Variants in IL2RA observed in about 807,000 individuals in gnomAD.
IL2RA encodes interleukin-2 receptor subunit alpha.
A neutral mutation model predicts 37.8 loss-of-function variants in IL2RA; 24 were observed. The ratio of observed to expected loss-of-function variants is 0.63; its 90% CI spans 0.46 to 0.89. The LOEUF is 0.89. IL2RA is among the 40% of genes least tolerant of loss of function. The pLI, the probability that IL2RA is intolerant of heterozygous loss-of-function variation, is 0.00. For synonymous variants in IL2RA, 125 were observed against 114.6 expected (o/e 1.09, Z -0.58); for missense variants, 319 against 348.6 (o/e 0.92, Z 0.68).
At chr10:6,013,314 C>A (rs796379537) in intron 7 of IL2RA, among the ~76,000 whole-genome samples, 1 of 152,180 alleles carries the variant, frequency 6.6e-6, no homozygotes, top group South Asian at 2.1e-4. Context: ...GGCTAGGGAA[C>A]GCTTGAAATG....
Position 6,024,324 on chromosome 10 carries a change from G to C in IL2RA, c.287C>G (p.Pro96Arg), listed in dbSNP as rs1302422521. ...ATRNTTKQVT[P>R]QPEEQKERKT... The stretch of plus-strand genomic sequence containing the variant: ...CCTTTCTTTCTGTTCTTCAGGTTGA[G>C]GTGTCACTTGTTTCGTTGTGTTCCG... Residue 96 changes from proline (P) to arginine (R), a missense_variant, in exon 3 of 8, where the codon CCT becomes CGT. Coordinates refer to ENST00000379959, the MANE Select transcript of IL2RA (RefSeq NM_000417.3). The C allele has an allele frequency of 6.2e-7, 1 of 1,613,886 alleles. No individual in the cohort carries two copies. Among genetic ancestry groups the C allele is most frequent in the African/African-American group, 1.3e-5 (1 of 74,916 alleles).
chr10:6,045,283 C>A (rs1490921814), intron 1 of IL2RA, among the ~76,000 whole-genome samples: 1 of 152,192 alleles, frequency 6.6e-6, no homozygotes. Context: ...TGGAGAACAA[C>A]TGTGCCTTAC....
chr10:6,019,331 C>G, intron 6 of IL2RA, 97 bp downstream of exon 6: 1 of 907,842 alleles, frequency 1.1e-6, no homozygotes, highest in South Asian at 1.3e-5. Context: ...AACTAACCAA[C>G]CTACCAGCCA....
chr10:6,060,692 G>T (rs1467262358), intron 1 of IL2RA, among the ~76,000 whole-genome samples: 1 of 152,154 alleles, frequency 6.6e-6, no homozygotes, highest in African/African-American at 2.4e-5. Flanking sequence ...ATGAGGTGGA[G>T]GTTGCAGTGG....
chr10:6,043,381 T>G (rs1229549600), intron 1 of IL2RA, among the ~76,000 whole-genome samples: 1 of 152,204 alleles, frequency 6.6e-6, no homozygotes, highest in Non-Finnish European at 1.5e-5. Flanking sequence ...GAGATTGGGT[T>G]GGACCGAGAG....
rs1839412048 is a variant in IL2RA, at chr10:6,022,912, A to G, written c.368-1219T>C. On this transcript the variant is annotated intron_variant, in intron 3 of 7. Transcript: ENST00000379959. This position sits in a 1 kb window ranked among gnomAD's most constrained non-coding sequence, Gnocchi z 4.7. Reference sequence around the variant, plus strand: ...AAAACAAACAAATGTGCTTGGAAACACCATTCCAGGACAAAGTCGGAAGGG... The same window carrying G: ...AAAACAAACAAATGTGCTTGGAAACGCCATTCCAGGACAAAGTCGGAAGGG... Among the ~76,000 whole-genome samples the G allele has an allele frequency of 6.8e-6, 1 of 147,426 alleles. No individual in the cohort carries two copies. The highest frequency in any genetic ancestry group is 1.5e-5 in the Non-Finnish European group (1 of 65,736).
chr10:6,025,704 C>T lies in IL2RA; in HGVS notation c.256+130G>A. ...TTAGTGAATGACTTTTCAGGAACCA[C>T]TAAAATTAGTTATCCTGTAGACTGG... is the stretch of plus-strand genomic sequence containing the variant. On this transcript the variant is annotated intron_variant, in intron 2 of 7. Transcript: ENST00000379959. The surrounding 1 kb of genome is among the most constrained non-coding windows in gnomAD (Gnocchi z 4.4). The T allele has an allele frequency of 3.4e-6, 3 of 878,628 alleles. No homozygotes were observed. Among genetic ancestry groups the T allele is most frequent in the Non-Finnish European group, 3.7e-6 (2 of 542,862 alleles). The allele number at this position is 878,628 out of a possible 1,614,324, so 54.4% of individuals were successfully genotyped here.
In IL2RA at chr10:6,029,386, A is replaced by G. The variant is rs1191209993; in HGVS notation, c.65-3361T>C. Among the ~76,000 whole-genome samples the G allele has an allele frequency of 6.6e-6, 1 of 152,168 alleles. No individual in the cohort carries two copies. Among genetic ancestry groups the G allele is most frequent in the East Asian group, 1.9e-4 (1 of 5,172 alleles). ...CACCACGTTTGCCAGGCTGGTCTCG[A>G]ACTCCTGACCTCAGGTGATCCACCT... On this transcript the variant is annotated intron_variant, in intron 1 of 7. Transcript: ENST00000379959. This position sits in a 1 kb window ranked among gnomAD's most constrained non-coding sequence, Gnocchi z 4.6.
At position 6,028,510 on chromosome 10, in the gene IL2RA, T is replaced by C. The variant is rs1332271970; in HGVS notation, c.65-2485A>G. Among the ~76,000 whole-genome samples the C allele has an allele frequency of 1.3e-5, 2 of 152,156 alleles. No homozygotes were observed. The highest frequency in any genetic ancestry group is 2.1e-4 in the South Asian group (1 of 4,830). ...TTACAAAGATTAAAACCAAGCCTAATAGACAAGAGGATGCGCTAGTCATTT... is the reference window on the plus strand; with the variant it reads ...TTACAAAGATTAAAACCAAGCCTAACAGACAAGAGGATGCGCTAGTCATTT... On this transcript the variant is annotated intron_variant, in intron 1 of 7. Transcript: ENST00000379959. This position sits in a 1 kb window ranked among gnomAD's most constrained non-coding sequence, Gnocchi z 4.1.
rs956680014 is a variant in IL2RA at position 6,058,138 on chromosome 10, GA to G, written c.64+3949del. Among the ~76,000 whole-genome samples the G allele has an allele frequency of 3.4e-4, 51 of 150,808 alleles. No homozygotes were observed. Among genetic ancestry groups the G allele is most frequent in the Admixed American group, 2.7e-3 (41 of 15,154 alleles). ...TGAGACCCTGTCTCAAAAAGGAAGA[GA>G]AAAAAAAATCACAAAGAGGTATTCA... On this transcript the variant is annotated intron_variant, in intron 1 of 7. Coordinates refer to ENST00000379959, the MANE Select transcript of IL2RA (RefSeq NM_000417.3). The surrounding 1 kb of genome is among the most constrained non-coding windows in gnomAD (Gnocchi z 4.2).
At chr10:6,042,148 CAAAAAAAAA>C (rs57093239) in intron 1 of IL2RA, among the ~76,000 whole-genome samples, 1 of 54,132 alleles carries the variant, frequency 1.8e-5, no homozygotes, top group Non-Finnish European at 3.1e-5. Context: ...ATGTATTAAG[CAAAAAAAAA>C]AAAAAAAAAA....
intron 3 of IL2RA, 51 bp downstream of exon 3, chr10:6,024,193 G>A: frequency 8.3e-7 from 1 of 1,209,078 alleles, no homozygotes; most frequent in Non-Finnish European, 1.2e-6. Context: ...TCTGCCTGCA[G>A]GAGAAGGGTG....
At position 6,024,307 on chromosome 10, in the gene IL2RA, T is replaced by G. The variant is rs1160524305; in HGVS notation, c.304A>C (p.Lys102Gln). The G allele has an allele frequency of 1.9e-6, 3 of 1,614,220 alleles. No individual in the cohort carries two copies. The South Asian group carries it at 3.3e-5, about 18-fold the overall frequency. ...TGCATTTCTGTGGTTTTCCTTTCTT[T>G]CTGTTCTTCAGGTTGAGGTGTCACT... ...KQVTPQPEEQ[K>Q]ERKTTEMQSP... The change falls in exon 3 of 8, where the codon AAA becomes CAA. Residue 102 changes from lysine to glutamine, a missense_variant. Transcript: ENST00000379959.
At chr10:6,060,330 G>T (rs945963692) in intron 1 of IL2RA, among the ~76,000 whole-genome samples, 2 of 152,162 alleles carry the variant, frequency 1.3e-5, no homozygotes, top group South Asian at 4.1e-4. Context: ...CAGGTGATGG[G>T]TGCACCAAAA....
intron 1 of IL2RA, among the ~76,000 whole-genome samples, chr10:6,052,702 G>A (rs950575482): frequency 6.6e-6 from 1 of 152,184 alleles, no homozygotes; most frequent in Admixed American, 6.5e-5. Context: ...ATTGCTGAGA[G>A]TACAGAAAGC....
intron 1 of IL2RA, among the ~76,000 whole-genome samples, chr10:6,032,565 C>G (rs41294705): frequency 6.6e-6 from 1 of 151,820 alleles, no homozygotes; most frequent in Admixed American, 6.6e-5. Flanking sequence ...TGGTGGTGTG[C>G]GCCTGTAGTC....
At chr10:6,061,822 A>G (rs551327291) in intron 1 of IL2RA, among the ~76,000 whole-genome samples, 1 of 152,328 alleles carries the variant, frequency 6.6e-6, no homozygotes, top group African/African-American at 2.4e-5. Context: ...AATATCCCAA[A>G]TATCATGCCA....
At position 6,047,069 on chromosome 10, in the gene IL2RA, C is replaced by T. The variant is rs558243317; in HGVS notation, c.64+15019G>A. On this transcript the variant is annotated intron_variant, in intron 1 of 7. Transcript: ENST00000379959. The surrounding 1 kb of genome is among the most constrained non-coding windows in gnomAD (Gnocchi z 5.0). ...GGACTGAAAGGGACAAAGACCCTCT[C>T]CATGTCTCTGCATGCTTGCATGGAG... is the stretch of plus-strand genomic sequence containing the variant. Among the ~76,000 whole-genome samples, 18 of 152,342 alleles carry T rather than the reference C, an allele frequency of 1.2e-4. No homozygotes were observed. In the South Asian group the frequency reaches 3.7e-3, roughly 32 times the overall value.
In IL2RA at chr10:6,029,336, T is replaced by G. The variant is rs952849380; in HGVS notation, c.65-3311A>C. Among the ~76,000 whole-genome samples the G allele has an allele frequency of 6.6e-6, 1 of 151,990 alleles. No homozygotes were observed. Among genetic ancestry groups the G allele is most frequent in the Non-Finnish European group, 1.5e-5 (1 of 68,008 alleles). On this transcript the variant is annotated intron_variant, in intron 1 of 7. Coordinates refer to ENST00000379959, the MANE Select transcript of IL2RA (RefSeq NM_000417.3). This position sits in a 1 kb window ranked among gnomAD's most constrained non-coding sequence, Gnocchi z 4.6. ...TGCGCCAACACGTCTGGCTACTTTT[T>G]GTGTTTTTAGTAGAGATGAGGTTTC...
Sources: allele counts gnomAD v4.1 joint callset (sites outside exome capture counted in the v4.1 genomes callset), GRCh38; gene constraint gnomAD v4.1.1; non-coding constraint Gnocchi (gnomAD v3.1); transcripts MANE v1.5; gene names NCBI Gene and HGNC (gene_info 2026-07-23, HGNC 2026-07-21).